The following ZFHX3 variants were observed in gnomAD, a reference collection of about 807,000 sequenced individuals.
The protein encoded by ZFHX3 is zinc finger homeobox 3.
Under a neutral mutation model 279.1 loss-of-function variants are expected in ZFHX3, and 42 were observed. The ratio of observed to expected loss-of-function variants is 0.15; its 90% CI spans 0.12 to 0.19. The LOEUF (loss-of-function observed/expected upper bound fraction) is 0.19. Ranked by LOEUF, ZFHX3 falls within the 10% of genes least tolerant of loss-of-function variation. The pLI, the probability that ZFHX3 is intolerant of heterozygous loss-of-function variation, is 1.00. For synonymous variants in ZFHX3, 2,293 were observed against 1,957.8 expected, an observed-to-expected ratio of 1.17 and a Z score of -4.52; for missense variants, 4,981 against 4,754.0, an observed-to-expected ratio of 1.05 and a Z score of -1.40.
intron 7 of ZFHX3, among the ~76,000 whole-genome samples, chr16:73,103,224 C>A (rs1966253299): frequency 6.6e-6 from 1 of 152,156 alleles, no homozygotes; most frequent in African/African-American, 2.4e-5. Context: ...TGCGCCCAGC[C>A]TATTATCTTT....
intron 1 of ZFHX3, among the ~76,000 whole-genome samples, chr16:73,030,293 G>A (rs762376234): frequency 3.9e-5 from 6 of 152,158 alleles, no homozygotes; most frequent in African/African-American, 1.4e-4. Flanking sequence ...CTCATAGCAC[G>A]GAGACAGATC....
intron 3 of ZFHX3, among the ~76,000 whole-genome samples, chr16:73,361,561 T>C (rs1440197472): frequency 6.6e-6 from 1 of 152,188 alleles, no homozygotes. Context: ...TAAATATAAT[T>C]TTCAATTACA....
At chr16:72,922,204 T>G (rs2039602952) in intron 3 of ZFHX3, among the ~76,000 whole-genome samples, 1 of 152,190 alleles carries the variant, frequency 6.6e-6, no homozygotes. Context: ...ACACCCAGAC[T>G]ACCCTATCTT....
chr16:72,976,478 G>C (rs1042302509), intron 1 of ZFHX3, among the ~76,000 whole-genome samples: 1 of 152,132 alleles, frequency 6.6e-6, no homozygotes, highest in Non-Finnish European at 1.5e-5. Flanking sequence ...ATTCATTCGT[G>C]CCACAATATT....
intron 3 of ZFHX3, among the ~76,000 whole-genome samples, chr16:73,431,484 T>C (rs2017910828): frequency 6.6e-6 from 1 of 152,120 alleles, no homozygotes; most frequent in Admixed American, 6.6e-5. Context: ...TACGTTGCAG[T>C]GCGCCAAGAT....
chr16:73,385,208 T>C (rs1161422449), intron 3 of ZFHX3, among the ~76,000 whole-genome samples: 2 of 152,214 alleles, frequency 1.3e-5, no homozygotes, highest in Non-Finnish European at 2.9e-5. Context: ...TTTTCAGTTA[T>C]ATGAGCCCAC....
chr16:73,748,909 T>C (rs958144171), intron 1 of ZFHX3, among the ~76,000 whole-genome samples: 2 of 152,156 alleles, frequency 1.3e-5, no homozygotes, highest in African/African-American at 4.8e-5. Context: ...TGCCTCAGCC[T>C]CCTGAGTAGC....
chr16:73,695,038 C>T (rs892195901), intron 1 of ZFHX3, among the ~76,000 whole-genome samples: 1 of 152,162 alleles, frequency 6.6e-6, no homozygotes, highest in Non-Finnish European at 1.5e-5. Context: ...AGAGGCACAG[C>T]GCTGCCTCCT....
At chr16:73,422,845 G>A (rs2017742786) in intron 3 of ZFHX3, among the ~76,000 whole-genome samples, 1 of 152,170 alleles carries the variant, frequency 6.6e-6, no homozygotes, top group Non-Finnish European at 1.5e-5. Flanking sequence ...GTTTGCTTGG[G>A]CTTCCATAAC....
intron 3 of ZFHX3, among the ~76,000 whole-genome samples, chr16:73,428,265 C>T (rs1264814160): frequency 6.6e-6 from 1 of 152,106 alleles, no homozygotes; most frequent in Non-Finnish European, 1.5e-5. Context: ...TTGAACTCTC[C>T]GTCTGTCTCT....
At chr16:73,604,896 T>TAGACTGAGGC (rs1247623419) in intron 2 of ZFHX3, among the ~76,000 whole-genome samples, 1 of 152,006 alleles carries the variant, frequency 6.6e-6, no homozygotes, top group Non-Finnish European at 1.5e-5. Context: ...TCTACTGGGG[T>TAGACTGAGGC]AGACTGAGGC....
chr16:73,166,754 C>T (rs548646009), intron 5 of ZFHX3, among the ~76,000 whole-genome samples: 19 of 152,222 alleles, frequency 1.2e-4, no homozygotes, highest in Admixed American at 5.2e-4. Context: ...TCTCTCAAAC[C>T]GCAAGAAACC....
At chr16:73,446,480 T>C (rs1043870477) in intron 3 of ZFHX3, among the ~76,000 whole-genome samples, 2 of 152,122 alleles carry the variant, frequency 1.3e-5, no homozygotes, top group Admixed American at 6.5e-5. Flanking sequence ...GAGAACAGCA[T>C]GGGGAAACCT....
chr16:73,804,833 C>CA (rs1174497922), intron 1 of ZFHX3, among the ~76,000 whole-genome samples: 2 of 140,860 alleles, frequency 1.4e-5, no homozygotes, highest in African/African-American at 2.6e-5. Context: ...CTTCTATGGC[C>CA]AAAACACTAT....
At chr16:73,039,563 A>C (rs537983542) in intron 1 of ZFHX3, among the ~76,000 whole-genome samples, 1 of 152,282 alleles carries the variant, frequency 6.6e-6, no homozygotes, top group Non-Finnish European at 1.5e-5. Flanking sequence ...TAGTGGGGAG[A>C]TGCCAGGGAT....
chr16:72,788,667 C>CTGTGGT lies in ZFHX3; in HGVS notation c.9608_9609insACCACA (p.Gln3203_Gln3204insProGln). 1 of 1,507,140 alleles carries CTGTGGT rather than the reference C, an allele frequency of 6.6e-7. No homozygotes were observed. Among genetic ancestry groups the CTGTGGT allele is most frequent in the Admixed American group, 1.8e-5 (1 of 56,604 alleles). 93.4% of individuals were successfully genotyped at this position (1,507,140 alleles called of 1,614,324 possible). Reference sequence around the variant, plus strand: ...GGGGAGGCTGCTGCACCTGTGGTTGCTGCTGCTGCTGCTGCTGCTGGGGGG... The same window carrying CTGTGGT: ...GGGGAGGCTGCTGCACCTGTGGTTGCTGTGGTTGCTGCTGCTGCTGCTGCTGGGGGG... On this transcript the variant is annotated inframe_insertion, in exon 10 of 10. Transcript: ENST00000268489.
At chr16:72,955,490 C>T (rs1328792990) in intron 2 of ZFHX3, among the ~76,000 whole-genome samples, 2 of 152,200 alleles carry the variant, frequency 1.3e-5, no homozygotes, top group East Asian at 3.9e-4. Context: ...TAAAAAGCCT[C>T]ACTTTAGGCT....
intron 1 of ZFHX3, among the ~76,000 whole-genome samples, chr16:73,786,001 G>T (rs570031856): frequency 1.3e-5 from 2 of 152,098 alleles, no homozygotes; most frequent in East Asian, 3.9e-4. Context: ...CTTCTGAGTA[G>T]GTGGGATTAC....
At chr16:73,303,416 C>T (rs897542314) in intron 4 of ZFHX3, among the ~76,000 whole-genome samples, 6 of 152,180 alleles carry the variant, frequency 3.9e-5, no homozygotes, top group African/African-American at 1.4e-4. Flanking sequence ...TTCTCATGCT[C>T]CTACTTCCTA....
Sources: allele counts gnomAD v4.1 joint callset (sites outside exome capture counted in the v4.1 genomes callset), GRCh38; gene constraint gnomAD v4.1.1; transcripts MANE v1.5; gene names NCBI Gene and HGNC (gene_info 2026-07-23, HGNC 2026-07-21).